Variants in CACNB2 observed in about 807,000 individuals in gnomAD.
CACNB2 encodes the protein voltage-dependent L-type calcium channel subunit beta-2.
A neutral mutation model predicts 73.3 loss-of-function variants in CACNB2; 42 were observed. The ratio of observed to expected loss-of-function variants is 0.57; its 90% CI spans 0.45 to 0.74. The LOEUF is 0.74. Among genes scored for constraint, CACNB2 ranks in the 30% least tolerant of loss-of-function variants. The probability of loss-of-function intolerance (pLI) is 0.00; values close to 1 mark genes in which losing one functional copy is unlikely to be tolerated. For missense variants in CACNB2, 940 were observed against 853.0 expected (o/e 1.10, Z -1.27); for synonymous variants, 348 against 310.3 (o/e 1.12, Z -1.28).
intron 2 of CACNB2, among the ~76,000 whole-genome samples, chr10:18,319,389 T>C (rs530176734): frequency 6.6e-6 from 1 of 151,054 alleles, no homozygotes; most frequent in African/African-American, 2.4e-5. Flanking sequence ...TAAGTGGGAG[T>C]TGAAAAATGA....
At chr10:18,445,878 A>C (rs2046708720) in intron 3 of CACNB2, among the ~76,000 whole-genome samples, 1 of 152,212 alleles carries the variant, frequency 6.6e-6, no homozygotes, top group Admixed American at 6.5e-5. Context: ...TACCAAAAAT[A>C]CAAAAATTAG....
At chr10:18,517,698 C>T (rs1258495726) in intron 7 of CACNB2, among the ~76,000 whole-genome samples, 1 of 152,132 alleles carries the variant, frequency 6.6e-6, no homozygotes, top group East Asian at 1.9e-4. Context: ...GCATTAATCA[C>T]TAAGCTGTGA....
chr10:18,386,399 ATT>A (rs10637329), intron 2 of CACNB2, among the ~76,000 whole-genome samples: 23 of 106,506 alleles, frequency 2.2e-4, no homozygotes, highest in African/African-American at 7.2e-4. Flanking sequence ...TTTATTTATG[ATT>A]TTTTTTTTTT....
chr10:18,536,752 C>A (rs1342534400), intron 12 of CACNB2, among the ~76,000 whole-genome samples: 2 of 152,152 alleles, frequency 1.3e-5, no homozygotes, highest in Non-Finnish European at 2.9e-5. Context: ...AGTAACTTCA[C>A]TTTGTTAATA....
At chr10:18,158,731 C>T (rs1043877383) in intron 2 of CACNB2, among the ~76,000 whole-genome samples, 1 of 151,988 alleles carries the variant, frequency 6.6e-6, no homozygotes, top group African/African-American at 2.4e-5. Context: ...ATTTTAGAGC[C>T]AAAATCTAAA....
intron 1 of CACNB2, among the ~76,000 whole-genome samples, chr10:18,143,583 C>T (rs925135552): frequency 6.6e-6 from 1 of 152,178 alleles, no homozygotes; most frequent in African/African-American, 2.4e-5. Flanking sequence ...ATCTCACACC[C>T]ATTATTTGAG....
At chr10:18,481,230 A>ATTTTTTTTTT (rs1183940542) in intron 3 of CACNB2, among the ~76,000 whole-genome samples, 1 of 17,990 alleles carries the variant, frequency 5.6e-5, no homozygotes, top group Non-Finnish European at 9.4e-5. Flanking sequence ...ATATATATAT[A>ATTTTTTTTTT]TTTTTTTTTT....
At chr10:18,309,689 C>T (rs1240079436) in intron 2 of CACNB2, among the ~76,000 whole-genome samples, 1 of 152,060 alleles carries the variant, frequency 6.6e-6, no homozygotes, top group Non-Finnish European at 1.5e-5. Context: ...AATCTCCTGA[C>T]CTTATGATCC....
chr10:18,270,593 C>A (rs1391067129), intron 2 of CACNB2, among the ~76,000 whole-genome samples: 1 of 152,180 alleles, frequency 6.6e-6, no homozygotes, highest in African/African-American at 2.4e-5. Flanking sequence ...GTCTCCTTAG[C>A]CTTAATTCTC....
chr10:18,179,349 T>C (rs1474699192), intron 2 of CACNB2, among the ~76,000 whole-genome samples: 1 of 152,166 alleles, frequency 6.6e-6, no homozygotes, highest in Non-Finnish European at 1.5e-5. Context: ...TCCGTGCCTC[T>C]GGGTAAAAGG....
intron 3 of CACNB2, among the ~76,000 whole-genome samples, chr10:18,468,849 C>T (rs1469753134): frequency 1.3e-5 from 2 of 152,088 alleles, no homozygotes; most frequent in Non-Finnish European, 2.9e-5. Flanking sequence ...TTCGCCCGCC[C>T]TAGCCTCCCA....
At chr10:18,184,229 A>G (rs577399536) in intron 2 of CACNB2, among the ~76,000 whole-genome samples, 8 of 152,356 alleles carry the variant, frequency 5.3e-5, no homozygotes, top group African/African-American at 1.9e-4. Context: ...CAAGAGAAAG[A>G]CAGGACTTCT....
chr10:18,512,887 AC>A (rs1393502791), intron 6 of CACNB2, among the ~76,000 whole-genome samples: 1 of 152,144 alleles, frequency 6.6e-6, no homozygotes, highest in Admixed American at 6.5e-5. Context: ...AATTCATTCA[AC>A]TTTTGAAGCG....
At chr10:18,530,869 C>T (rs2052947640) in intron 10 of CACNB2, among the ~76,000 whole-genome samples, 1 of 152,126 alleles carries the variant, frequency 6.6e-6, no homozygotes, top group East Asian at 1.9e-4. Context: ...TACCCACTGG[C>T]CATAAAGCTC....
intron 2 of CACNB2, among the ~76,000 whole-genome samples, chr10:18,156,144 G>C (rs2032030714): frequency 6.6e-6 from 1 of 152,090 alleles, no homozygotes; most frequent in African/African-American, 2.4e-5. Flanking sequence ...ATTTACCAGT[G>C]GTTTTATCTT....
chr10:18,435,528 T>G (rs1364595706), intron 3 of CACNB2, among the ~76,000 whole-genome samples: 1 of 152,148 alleles, frequency 6.6e-6, no homozygotes, highest in South Asian at 2.1e-4. Context: ...ATATAGGGTC[T>G]CATTCTGTCA....
intron 2 of CACNB2, among the ~76,000 whole-genome samples, chr10:18,266,429 G>T (rs142750823): frequency 6.6e-6 from 1 of 151,990 alleles, no homozygotes; most frequent in African/African-American, 2.4e-5. Context: ...AGTGCTTTTG[G>T]GTATAAAAAT....
intron 1 of CACNB2, 26 bp from the exon 2 acceptor site, chr10:18,150,857 T>TG: frequency 2.5e-6 from 1 of 393,346 alleles, no homozygotes. Context: ...TTATTTGTCT[T>TG]TTTTTTTTTT....
chr10:18,372,123 A>G (rs1016941490), intron 2 of CACNB2, among the ~76,000 whole-genome samples: 21 of 152,072 alleles, frequency 1.4e-4, no homozygotes, highest in Admixed American at 1.4e-3. Context: ...AGATGAGTAG[A>G]TTGCAAAAAT....
Sources: allele counts gnomAD v4.1 joint callset (sites outside exome capture counted in the v4.1 genomes callset), GRCh38; gene constraint gnomAD v4.1.1; transcripts MANE v1.5; gene names NCBI Gene and HGNC (gene_info 2026-07-23, HGNC 2026-07-21).